Variants in PAPSS2 observed in about 807,000 individuals in gnomAD.
The protein encoded by PAPSS2 is bifunctional 3'-phosphoadenosine 5'-phosphosulfate synthase 2.
A neutral mutation model predicts 66.5 loss-of-function variants in PAPSS2; 61 were observed. The ratio of observed to expected loss-of-function variants is 0.92; its 90% CI spans 0.75 to 1.14. The LOEUF (loss-of-function observed/expected upper bound fraction) is 1.14. Ranked by LOEUF, PAPSS2 falls within the 50% of genes most tolerant of loss-of-function variation. The pLI, the probability that PAPSS2 is intolerant of heterozygous loss-of-function variation, is 0.00. For synonymous variants in PAPSS2, 289 were observed against 287.5 expected, an observed-to-expected ratio of 1.01 and a Z score of -0.05; for missense variants, 708 against 789.6, an observed-to-expected ratio of 0.90 and a Z score of 1.24.
intron 8 of PAPSS2, among the ~76,000 whole-genome samples, chr10:87,722,291 A>C (rs1283002075): frequency 6.6e-6 from 1 of 152,214 alleles, no homozygotes; most frequent in Non-Finnish European, 1.5e-5. Flanking sequence ...TGGAACTGGG[A>C]GTAAATATAC....
chr10:87,726,343 T>G (rs1853659382), intron 8 of PAPSS2, among the ~76,000 whole-genome samples: 1 of 152,138 alleles, frequency 6.6e-6, no homozygotes, highest in South Asian at 2.1e-4. Flanking sequence ...GGCAGGACAA[T>G]AGCTTGAACC....
chr10:87,693,307 C>A (rs1353510451), intron 1 of PAPSS2, among the ~76,000 whole-genome samples: 1 of 152,208 alleles, frequency 6.6e-6, no homozygotes, highest in Non-Finnish European at 1.5e-5. Context: ...ATTGGTCTTT[C>A]TTAGCCTTAG....
intron 1 of PAPSS2, among the ~76,000 whole-genome samples, chr10:87,661,367 A>G (rs980556300): frequency 2.0e-5 from 3 of 151,810 alleles, no homozygotes; most frequent in Non-Finnish European, 4.4e-5. Context: ...TAAGTGGGGG[A>G]CTCTCAGCGT....
intron 9 of PAPSS2, among the ~76,000 whole-genome samples, chr10:87,735,280 T>A (rs1853782916): frequency 6.6e-6 from 1 of 152,162 alleles, no homozygotes; most frequent in Non-Finnish European, 1.5e-5. Context: ...GGGATAGAGA[T>A]GCCCCTTGTC....
intron 10 of PAPSS2, among the ~76,000 whole-genome samples, chr10:87,742,547 TTTC>T: frequency 6.6e-6 from 1 of 152,234 alleles, no homozygotes; most frequent in East Asian, 1.9e-4. Context: ...AAGTATTCAT[TTTC>T]AATACTATAG....
chr10:87,665,997 C>T (rs1852812110), intron 1 of PAPSS2, among the ~76,000 whole-genome samples: 1 of 142,110 alleles, frequency 7.0e-6, no homozygotes, highest in Non-Finnish European at 1.5e-5. Flanking sequence ...GAGTCTTGCT[C>T]TGTCACCCAG....
At chr10:87,726,811 A>G (rs1468518609) in intron 8 of PAPSS2, among the ~76,000 whole-genome samples, 1 of 152,210 alleles carries the variant, frequency 6.6e-6, no homozygotes, top group Admixed American at 6.5e-5. Flanking sequence ...GTGTATTGGT[A>G]TGCAGATAGA....
chr10:87,693,473 G>A (rs2131915503), intron 1 of PAPSS2, among the ~76,000 whole-genome samples: 1 of 152,300 alleles, frequency 6.6e-6, no homozygotes, highest in East Asian at 1.9e-4. Flanking sequence ...TCCAACCGAA[G>A]GACTCTTTCA....
At chr10:87,723,550 A>C (rs940173729) in intron 8 of PAPSS2, among the ~76,000 whole-genome samples, 1 of 152,228 alleles carries the variant, frequency 6.6e-6, no homozygotes, top group Admixed American at 6.5e-5. Flanking sequence ...ACGTTGAAAC[A>C]AAGAGTTATT....
intron 6 of PAPSS2, 123 bp downstream of exon 6, chr10:87,715,221 C>T: frequency 2.9e-6 from 2 of 695,454 alleles, no homozygotes; most frequent in Non-Finnish European, 2.6e-6. Context: ...AAATAAAACA[C>T]TCCTTTTTTT....
At chr10:87,732,175 G>A (rs1403313881) in intron 9 of PAPSS2, among the ~76,000 whole-genome samples, 1 of 152,170 alleles carries the variant, frequency 6.6e-6, no homozygotes, top group Non-Finnish European at 1.5e-5. Flanking sequence ...TCTCCACCAG[G>A]AGAATGATTA....
Position 87,683,555 on chromosome 10 carries a change from C to T in PAPSS2, c.27+23547C>T, listed in dbSNP as rs1042932633. Among the ~76,000 whole-genome samples the T allele has an allele frequency of 4.6e-5, 7 of 152,256 alleles. No homozygotes were observed. In the East Asian group the frequency reaches 7.7e-4, roughly 17 times the overall value. On this transcript the variant is annotated intron_variant, in intron 1 of 12. Coordinates refer to ENST00000456849, the MANE Select transcript of PAPSS2 (RefSeq NM_001015880.2). ...TAAATTTGCATTCACGTGCAGGGTT[C>T]CTAGAAATGATGATCCTGCATAATT...
chr10:87,747,359 A>G lies in PAPSS2; in HGVS notation c.*1389A>G, dbSNP rs1239410575. On this transcript the variant is annotated 3_prime_UTR_variant, in exon 13 of 13. Transcript: ENST00000456849. ...CTCTCTGGAAGAGACCTAAATTAGA[A>G]AGAGAAAACTGTGACAATTTTCATA... 1 of 152,168 alleles carries G rather than the reference A, an allele frequency of 6.6e-6. No individual in the cohort carries two copies. The highest frequency in any genetic ancestry group is 2.4e-5 in the African/African-American group (1 of 41,440). The allele number at this position is 152,168 out of a possible 1,614,324, so 9.4% of individuals were successfully genotyped here.
chr10:87,718,693 T>G (rs1255501201), intron 7 of PAPSS2, among the ~76,000 whole-genome samples: 1 of 152,176 alleles, frequency 6.6e-6, no homozygotes, highest in African/African-American at 2.4e-5. Flanking sequence ...GCCACCAAAG[T>G]TTTGGTGCCA....
intron 1 of PAPSS2, among the ~76,000 whole-genome samples, chr10:87,701,300 T>TTTCCTTCCTTCCTTCCTTCC (rs1174780842): frequency 9.7e-6 from 1 of 102,976 alleles, no homozygotes; most frequent in Admixed American, 1.1e-4. Context: ...TTCTTTCTTT[T>TTTCCTTCCTTCCTTCCTTCC]TTCCTTCCTT....
chr10:87,734,663 G>GTATATATATATATATA (rs66686947), intron 9 of PAPSS2, among the ~76,000 whole-genome samples: 2 of 81,096 alleles, frequency 2.5e-5, no homozygotes, highest in Non-Finnish European at 4.4e-5. Context: ...GAATGTGTGT[G>GTATATATATATATATA]TATATATATA....
chr10:87,700,657 C>CA (rs1168522761), intron 1 of PAPSS2, among the ~76,000 whole-genome samples: 958 of 62,850 alleles, frequency 0.015, 8 homozygotes, highest in African/African-American at 0.044. Flanking sequence ...GACCCTGTCT[C>CA]AAAAAAAAAA....
intron 1 of PAPSS2, among the ~76,000 whole-genome samples, chr10:87,701,327 C>CCTTTCTTTCTTTCTTTCTTT (rs71019494): frequency 2.8e-5 from 2 of 72,230 alleles, no homozygotes; most frequent in Non-Finnish European, 2.7e-5. Context: ...TTCCTTCCTT[C>CCTTTCTTTCTTTCTTTCTTT]CTTTCTTTCT....
chr10:87,741,231 C>T lies in PAPSS2; in HGVS notation c.1087-4C>T, dbSNP rs757178028. 1.2e-6 allele frequency: 2 copies of T among 1,613,520 alleles called. No individual in the cohort carries two copies. The highest frequency in any genetic ancestry group is 2.2e-5 in the South Asian group (2 of 91,068). ...ATTAGCAATCATAACAATGTTCTTT[C>T]TAGATGGTGATGGAAAGTGGGGACT... On this transcript the variant is annotated splice_region_variant and splice_polypyrimidine_tract_variant and intron_variant, in intron 9 of 12. Coordinates refer to ENST00000456849, the MANE Select transcript of PAPSS2 (RefSeq NM_001015880.2).
Sources: allele counts gnomAD v4.1 joint callset (sites outside exome capture counted in the v4.1 genomes callset), GRCh38; gene constraint gnomAD v4.1.1; transcripts MANE v1.5; gene names NCBI Gene and HGNC (gene_info 2026-07-23, HGNC 2026-07-21).